SBF2: variants seen among roughly 807,000 people sequenced by gnomAD.
The protein encoded by SBF2 is myotubularin-related protein 13.
Under a neutral mutation model 225.2 loss-of-function variants are expected in SBF2, and 112 were observed. That is an observed-to-expected ratio of 0.50 (90% CI 0.43 to 0.58). The LOEUF is 0.58. Ranked by LOEUF, SBF2 falls within the 20% of genes least tolerant of loss-of-function variation. SBF2 has a pLI of 0.00. For missense variants in SBF2, 1,996 were observed against 2,206.2 expected (o/e 0.90, Z 1.91); for synonymous variants, 763 against 773.3 (o/e 0.99, Z 0.22).
intron 17 of SBF2, among the ~76,000 whole-genome samples, chr11:9,867,914 C>A (rs1410053433): frequency 6.6e-6 from 1 of 152,092 alleles, no homozygotes; most frequent in African/African-American, 2.4e-5. Context: ...TACAGAAATA[C>A]ATTTAGAAGG....
chr11:10,015,023 T>C (rs181183163), intron 6 of SBF2, among the ~76,000 whole-genome samples: 18 of 152,156 alleles, frequency 1.2e-4, no homozygotes, highest in Admixed American at 3.9e-4. Context: ...TTCAGCTACT[T>C]GGGTGGACGC....
chr11:10,031,840 G>A (rs55797397), intron 3 of SBF2, among the ~76,000 whole-genome samples: 7,959 of 152,216 alleles, frequency 0.052, 295 homozygotes, highest in Middle Eastern at 0.16. Context: ...CTTTCTGGGC[G>A]TTAGGGATCC....
chr11:10,028,679 C>A, intron 5 of SBF2, 122 bp from the exon 6 acceptor site: 1 of 723,800 alleles, frequency 1.4e-6, no homozygotes, highest in Non-Finnish European at 2.5e-6. Flanking sequence ...TTAACAGATA[C>A]AAAAGGCAAC....
Position 9,787,262 on chromosome 11 carries a change from T to C in SBF2, c.5037+372A>G, listed in dbSNP as rs75836653. ...AAAAGGGACTGTGAACAACACAGGG[T>C]AGCATATTTTGTTGTTTTAAAATAC... On this transcript the variant is annotated intron_variant, in intron 36 of 39. Coordinates refer to ENST00000256190, the MANE Select transcript of SBF2 (RefSeq NM_030962.4). 8.3e-3 allele frequency among the ~76,000 whole-genome samples: 1,260 copies of C among 152,318 alleles called. 14 individuals are homozygous for C. Among genetic ancestry groups the C allele is most frequent in the African/African-American group, 0.029 (1,210 of 41,562 alleles).
intron 34 of SBF2, among the ~76,000 whole-genome samples, chr11:9,789,701 G>A (rs1016965395): frequency 5.3e-5 from 8 of 152,216 alleles, no homozygotes; most frequent in Middle Eastern, 3.4e-3. Context: ...TACATTCTAA[G>A]GGTCTTAACA....
At chr11:9,794,273 C>T (rs1852950237) in intron 33 of SBF2, among the ~76,000 whole-genome samples, 1 of 152,084 alleles carries the variant, frequency 6.6e-6, no homozygotes, top group Non-Finnish European at 1.5e-5. Context: ...ACAACTACTC[C>T]AAGGAGGCAA....
chr11:10,211,014 C>CAAAAAAAA (rs1230619092), intron 1 of SBF2, among the ~76,000 whole-genome samples: 1,693 of 33,022 alleles, frequency 0.051, 508 homozygotes, highest in Non-Finnish European at 0.08. Context: ...ACTCTTGACT[C>CAAAAAAAA]AAAAAAAAAA....
At chr11:9,822,853 T>C (rs532635172) in intron 28 of SBF2, among the ~76,000 whole-genome samples, 2 of 133,692 alleles carry the variant, frequency 1.5e-5, no homozygotes, top group African/African-American at 4.9e-5. Flanking sequence ...TCAGTAAATA[T>C]ATCTGCACTG....
chr11:10,168,893 A>G (rs1212674241), intron 2 of SBF2, among the ~76,000 whole-genome samples: 1 of 152,232 alleles, frequency 6.6e-6, no homozygotes. Context: ...ACAATAAATT[A>G]ACCAATTGAG....
intron 2 of SBF2, among the ~76,000 whole-genome samples, chr11:10,101,213 C>A (rs1952287175): frequency 1.3e-5 from 2 of 152,136 alleles, no homozygotes; most frequent in South Asian, 4.1e-4. Flanking sequence ...CTTCGTCTTA[C>A]CCAGCAACTA....
intron 2 of SBF2, among the ~76,000 whole-genome samples, chr11:10,153,196 AG>A (rs1955302472): frequency 6.6e-6 from 1 of 152,206 alleles, no homozygotes; most frequent in East Asian, 1.9e-4. Context: ...GATAAACTAG[AG>A]GAAGACTGGA....
At chr11:10,094,443 C>T (rs1951923727) in intron 2 of SBF2, among the ~76,000 whole-genome samples, 2 of 151,556 alleles carry the variant, frequency 1.3e-5, no homozygotes, top group African/African-American at 2.4e-5. Flanking sequence ...AACCTGACTG[C>T]CTATAAAGGT....
At chr11:10,223,979 T>C (rs766193647) in intron 1 of SBF2, among the ~76,000 whole-genome samples, 4 of 152,178 alleles carry the variant, frequency 2.6e-5, no homozygotes, top group Non-Finnish European at 5.9e-5. Context: ...TTTACATTTG[T>C]TTACATTTCT....
chr11:10,139,748 C>T (rs1954555727), intron 2 of SBF2, among the ~76,000 whole-genome samples: 1 of 152,208 alleles, frequency 6.6e-6, no homozygotes, highest in African/African-American at 2.4e-5. Context: ...AAAAATATGA[C>T]TAATCTTGGC....
chr11:10,289,657 C>T (rs1306024056), intron 1 of SBF2, among the ~76,000 whole-genome samples: 3 of 152,138 alleles, frequency 2.0e-5, no homozygotes, highest in Non-Finnish European at 4.4e-5. Flanking sequence ...GGATGCGGCC[C>T]TAGGCGGCCC....
chr11:10,170,761 T>C (rs896897388), intron 2 of SBF2, among the ~76,000 whole-genome samples: 2 of 152,144 alleles, frequency 1.3e-5, no homozygotes, highest in African/African-American at 4.8e-5. Flanking sequence ...TTAACAATAC[T>C]GATTCTTCCA....
intron 1 of SBF2, among the ~76,000 whole-genome samples, chr11:10,276,568 T>C (rs185067146): frequency 6.6e-6 from 1 of 152,222 alleles, no homozygotes; most frequent in African/African-American, 2.4e-5. Flanking sequence ...AATGTATTTA[T>C]AGACAAAAGT....
chr11:10,191,857 T>C (rs1303852816), intron 2 of SBF2, among the ~76,000 whole-genome samples: 2 of 152,228 alleles, frequency 1.3e-5, no homozygotes, highest in Admixed American at 6.5e-5. Flanking sequence ...ATCTATTCTC[T>C]TGGTTTTCAA....
chr11:10,260,997 A>G (rs181847209), intron 1 of SBF2, among the ~76,000 whole-genome samples: 1 of 152,314 alleles, frequency 6.6e-6, no homozygotes, highest in Non-Finnish European at 1.5e-5. Context: ...TGGCAATCCA[A>G]TTATAAAATA....
Sources: gnomAD v4.1 joint callset for allele counts (sites outside exome capture counted in the v4.1 genomes callset) on GRCh38, gnomAD v4.1.1 for gene constraint, MANE v1.5 for transcripts, NCBI Gene and HGNC (gene_info 2026-07-23, HGNC 2026-07-21) for gene names.